The following MDGA2 variants were observed in gnomAD, a reference collection of about 807,000 sequenced individuals.
The protein encoded by MDGA2 is MAM domain-containing glycosylphosphatidylinositol anchor protein 2.
In MDGA2, 40 loss-of-function variants were observed where a neutral mutation model predicts 117.8. That is an observed-to-expected ratio of 0.34 (90% CI 0.26 to 0.44). MDGA2 has a LOEUF of 0.44. Among genes scored for constraint, MDGA2 ranks in the 20% least tolerant of loss-of-function variants. The pLI, the probability that MDGA2 is intolerant of heterozygous loss-of-function variation, is 1.00. For synonymous variants in MDGA2, 452 were observed against 439.0 expected, an observed-to-expected ratio of 1.03 and a Z score of -0.37; for missense variants, 1,123 against 1,250.6, an observed-to-expected ratio of 0.90 and a Z score of 1.54.
intron 6 of MDGA2, among the ~76,000 whole-genome samples, chr14:47,079,933 G>A (rs1168216842): frequency 3.3e-5 from 5 of 151,686 alleles, no homozygotes; most frequent in Non-Finnish European, 5.9e-5. Context: ...GGGTTTCACC[G>A]TGTTAGTCAG....
chr14:47,143,903 T>C (rs1052305776), intron 4 of MDGA2, among the ~76,000 whole-genome samples, 175 bp downstream of exon 4: 1 of 152,220 alleles, frequency 6.6e-6, no homozygotes, highest in Non-Finnish European at 1.5e-5. Context: ...ACTAACCACA[T>C]AAAAATAAGT....
chr14:47,339,039 G>A (rs1192116315), intron 1 of MDGA2, among the ~76,000 whole-genome samples: 1 of 151,944 alleles, frequency 6.6e-6, no homozygotes, highest in Non-Finnish European at 1.5e-5. Context: ...AAAAAAATGT[G>A]TCTATTTTAT....
intron 5 of MDGA2, among the ~76,000 whole-genome samples, chr14:47,130,741 G>A (rs1166220671): frequency 3.3e-5 from 5 of 152,072 alleles, no homozygotes; most frequent in African/African-American, 4.8e-5. Flanking sequence ...AGGCAAAGAA[G>A]AGTAAGATGA....
At chr14:46,997,170 T>A (rs1887325262) in intron 8 of MDGA2, 2 of 168,056 alleles carry the variant, frequency 1.2e-5, no homozygotes, top group African/African-American at 4.8e-5. Context: ...TCATTTAAAA[T>A]CTATAGACAC....
At chr14:47,528,080 T>G (rs1218244837) in intron 1 of MDGA2, among the ~76,000 whole-genome samples, 1 of 152,194 alleles carries the variant, frequency 6.6e-6, no homozygotes. Context: ...ACCTTTTTTG[T>G]ATCCACATTT....
At chr14:47,380,905 A>AACC (rs1891606012) in intron 1 of MDGA2, among the ~76,000 whole-genome samples, 1 of 151,768 alleles carries the variant, frequency 6.6e-6, no homozygotes, top group Non-Finnish European at 1.5e-5. Context: ...AGAGACACAC[A>AACC]AAAAAAGAGA....
At chr14:47,184,495 T>G (rs2139382274) in intron 3 of MDGA2, among the ~76,000 whole-genome samples, 1 of 152,026 alleles carries the variant, frequency 6.6e-6, no homozygotes, top group East Asian at 1.9e-4. Context: ...CCAGATTCAT[T>G]TCTATGTTCT....
In MDGA2 at chr14:47,611,823, G is replaced by A. The variant is rs554469253; in HGVS notation, c.280+62694C>T. ...AAATAACAGGATTATCTGGGATGTAGTGCATATTGATCAAGCACTTTATTG... is the reference window on the plus strand; with the variant it reads ...AAATAACAGGATTATCTGGGATGTAATGCATATTGATCAAGCACTTTATTG... On this transcript the variant is annotated intron_variant, in intron 1 of 16. Coordinates refer to ENST00000399232, the MANE Select transcript of MDGA2 (RefSeq NM_001113498.3). 3.3e-5 allele frequency among the ~76,000 whole-genome samples: 5 copies of A among 152,290 alleles called. No individual in the cohort carries two copies. In the East Asian group the frequency reaches 9.6e-4, roughly 29 times the overall value.
intron 1 of MDGA2, among the ~76,000 whole-genome samples, chr14:47,634,065 G>C (rs1201613068): frequency 6.6e-6 from 1 of 152,062 alleles, no homozygotes; most frequent in Non-Finnish European, 1.5e-5. Context: ...CTTTTGGGAG[G>C]TAATTTGGAA....
intron 1 of MDGA2, among the ~76,000 whole-genome samples, chr14:47,651,245 TG>T (rs71115305): frequency 0.048 from 7,257 of 151,294 alleles, 260 homozygotes; most frequent in Non-Finnish European, 0.077. Flanking sequence ...TGTGTGTGTG[TG>T]TGTGTATACC....
At chr14:47,652,505 T>G (rs962597221) in intron 1 of MDGA2, among the ~76,000 whole-genome samples, 1 of 152,210 alleles carries the variant, frequency 6.6e-6, no homozygotes, top group African/African-American at 2.4e-5. Flanking sequence ...TTCCTTTATC[T>G]GAAAATACTG....
chr14:47,378,885 C>T (rs1171619582), intron 1 of MDGA2, among the ~76,000 whole-genome samples: 4 of 151,960 alleles, frequency 2.6e-5, no homozygotes, highest in East Asian at 1.9e-4. Context: ...AGATACTCCT[C>T]AAGAAGAGCA....
chr14:47,533,350 T>C (rs1402463586), intron 1 of MDGA2, among the ~76,000 whole-genome samples: 3 of 152,222 alleles, frequency 2.0e-5, no homozygotes, highest in Non-Finnish European at 2.9e-5. Flanking sequence ...TGTCTGCCCT[T>C]CCATTCCCAC....
At chr14:47,282,527 C>T (rs1888528398) in intron 2 of MDGA2, among the ~76,000 whole-genome samples, 1 of 149,040 alleles carries the variant, frequency 6.7e-6, no homozygotes, top group African/African-American at 2.5e-5. Flanking sequence ...AAAATAAACA[C>T]ACACACACAC....
At chr14:47,560,450 T>TA (rs1895777836) in intron 1 of MDGA2, among the ~76,000 whole-genome samples, 1 of 152,146 alleles carries the variant, frequency 6.6e-6, no homozygotes, top group Admixed American at 6.6e-5. Flanking sequence ...GCATTTCTCT[T>TA]ATAATTAGTG....
chr14:46,869,200 G>A (rs1338461240), intron 14 of MDGA2, among the ~76,000 whole-genome samples: 3 of 151,972 alleles, frequency 2.0e-5, no homozygotes, highest in Middle Eastern at 3.4e-3. Context: ...TGAACCATTC[G>A]TATCAAGTAC....
intron 1 of MDGA2, among the ~76,000 whole-genome samples, chr14:47,361,538 G>C (rs925330205): frequency 3.3e-5 from 5 of 152,010 alleles, no homozygotes; most frequent in African/African-American, 1.2e-4. Flanking sequence ...TCTGATTTCT[G>C]GTTGTTTTTT....
At chr14:47,435,367 T>C (rs550729374) in intron 1 of MDGA2, among the ~76,000 whole-genome samples, 36 of 152,274 alleles carry the variant, frequency 2.4e-4, no homozygotes, top group African/African-American at 8.4e-4. Flanking sequence ...GGCTGCTGTA[T>C]ACTTTTTCCA....
chr14:47,273,620 T>C (rs1286709828), intron 2 of MDGA2, among the ~76,000 whole-genome samples: 1 of 152,176 alleles, frequency 6.6e-6, no homozygotes, highest in African/African-American at 2.4e-5. Flanking sequence ...AATTTATTGT[T>C]ATCATTCACA....
Sources: gnomAD v4.1 joint callset for allele counts (sites outside exome capture counted in the v4.1 genomes callset) on GRCh38, gnomAD v4.1.1 for gene constraint, MANE v1.5 for transcripts, NCBI Gene and HGNC (gene_info 2026-07-23, HGNC 2026-07-21) for gene names.